The following PEX1 variants were observed in gnomAD, a reference collection of about 807,000 sequenced individuals.
The protein encoded by PEX1 is peroxisomal ATPase PEX1.
A neutral mutation model predicts 152.5 loss-of-function variants in PEX1; 97 were observed. That is an observed-to-expected ratio of 0.64 (90% CI 0.54 to 0.75). PEX1 has a LOEUF of 0.75. Ranked by LOEUF, PEX1 falls within the 30% of genes least tolerant of loss-of-function variation. The pLI is 0.00. For synonymous variants in PEX1, 485 were observed against 531.6 expected (o/e 0.91, Z 1.21); for missense variants, 1,357 against 1,516.3 (o/e 0.89, Z 1.74).
intron 5 of PEX1, among the ~76,000 whole-genome samples, chr7:92,516,290 G>A (rs1029247833): frequency 3.3e-5 from 5 of 151,912 alleles, no homozygotes; most frequent in Admixed American, 6.6e-5. Context: ...AGCCAGGCGT[G>A]GTGGTGCATG....
Position 92,517,486 on chromosome 7 carries a change from T to C in PEX1, c.1029A>G (p.Gln343=). 6.2e-7 allele frequency: 1 copy of C among 1,614,056 alleles called. No homozygotes were observed. Among genetic ancestry groups the C allele is most frequent in the South Asian group, 1.1e-5 (1 of 91,080 alleles). ...CATTTTGTTTTGTTTTACTTTGCTG[T>C]TGCTTTGGAGAAAGTAGCTTAACTA... ...GKLVKLLSPK[Q]QQSKTKQNVL... Residue 343 remains glutamine, a synonymous_variant, in exon 5 of 24, where the codon CAA becomes CAG. Transcript: ENST00000248633.
At chr7:92,526,423 A>G (rs2061871113) in intron 1 of PEX1, among the ~76,000 whole-genome samples, 1 of 152,196 alleles carries the variant, frequency 6.6e-6, no homozygotes, top group African/African-American at 2.4e-5. Context: ...GCTTCACCCC[A>G]AATAAAGTAA....
chr7:92,492,903 C>T (rs1562845929), intron 20 of PEX1, 50 bp downstream of exon 20: 1 of 1,396,988 alleles, frequency 7.2e-7, no homozygotes, highest in Non-Finnish European at 1.0e-6. Context: ...TGACATTGTA[C>T]TTCTTTTATC....
chr7:92,498,572 G>A (rs1017954940), intron 16 of PEX1, among the ~76,000 whole-genome samples: 5 of 152,048 alleles, frequency 3.3e-5, no homozygotes, highest in African/African-American at 1.2e-4. Flanking sequence ...AATAATACAC[G>A]ATTCCTTTGT....
At chr7:92,511,376 C>T (rs1240937572) in intron 7 of PEX1, among the ~76,000 whole-genome samples, 1 of 152,106 alleles carries the variant, frequency 6.6e-6, no homozygotes, top group Admixed American at 6.5e-5. Context: ...CCGCCTGCCT[C>T]GGCCTCCCAA....
intron 2 of PEX1, among the ~76,000 whole-genome samples, chr7:92,521,269 C>T (rs1585259751): frequency 6.6e-6 from 1 of 152,008 alleles, no homozygotes; most frequent in Middle Eastern, 3.5e-3. Flanking sequence ...CCCAGCCTCA[C>T]ATTATTCTTA....
At chr7:92,514,218 G>C (rs1022271417) in intron 5 of PEX1, among the ~76,000 whole-genome samples, 3 of 152,062 alleles carry the variant, frequency 2.0e-5, no homozygotes, top group Admixed American at 2.0e-4. Context: ...ATTCATGAAG[G>C]CTTCACCTTC....
chr7:92,517,287 C>T lies in PEX1; in HGVS notation c.1228G>A (p.Gly410Arg), dbSNP rs1585254050. ...AAATTTATACTAACCCAGACTTTCC[C>T]AAGATGGAGAACTTCTACATTTTTG... Reference protein sequence around the residue: ...YTKNVEVLHLGKVWIPDDLRK... With the variant: ...YTKNVEVLHLRKVWIPDDLRK... Residue 410 changes from glycine to arginine, a missense_variant, in exon 5 of 24, where the codon GGG becomes AGG. Transcript: ENST00000248633. 6.2e-7 allele frequency: 1 copy of T among 1,613,466 alleles called. No homozygotes were observed. The highest frequency in any genetic ancestry group is 8.5e-7 in the Non-Finnish European group (1 of 1,179,548).
intron 5 of PEX1, among the ~76,000 whole-genome samples, chr7:92,516,364 T>C (rs936374478): frequency 2.2e-4 from 34 of 151,886 alleles, no homozygotes; most frequent in Admixed American, 2.2e-3. Context: ...GAGGCGGAGG[T>C]TGCAGTGAGC....
At chr7:92,515,136 A>G (rs554854975) in intron 5 of PEX1, among the ~76,000 whole-genome samples, 3 of 145,950 alleles carry the variant, frequency 2.1e-5, no homozygotes, top group South Asian at 2.1e-4. Flanking sequence ...TAATGATGTT[A>G]AAAATTTTTC....
At position 92,502,017 on chromosome 7, in the gene PEX1, C is replaced by G. The variant is rs755784540; in HGVS notation, c.2289G>C (p.Lys763Asn). Residue 763 changes from lysine (K) to asparagine (N), a missense_variant, in exon 14 of 24, where the codon AAG (lysine) becomes AAC (asparagine). By Grantham distance (94) the Lys-to-Asn change is moderately conservative. Transcript: ENST00000248633. ...CATGCTGCAGGTCAAGATCGGTGAA[C>G]TTGTTTATATCACAGTCCAATTTAT... ...IKNKLDCDINKFTDLDLQHVA... is the reference protein window; with the variant it reads ...IKNKLDCDINNFTDLDLQHVA... The G allele has an allele frequency of 6.2e-7, 1 of 1,613,168 alleles. No individual in the cohort carries two copies. The highest frequency in any genetic ancestry group is 8.5e-7 in the Non-Finnish European group (1 of 1,179,146).
At chr7:92,521,442 TA>T (rs1212699074) in intron 2 of PEX1, among the ~76,000 whole-genome samples, 4 of 152,372 alleles carry the variant, frequency 2.6e-5, no homozygotes, top group African/African-American at 9.6e-5. Context: ...TTTTATTTTT[TA>T]TTTTTTTTCA....
intron 2 of PEX1, among the ~76,000 whole-genome samples, chr7:92,521,624 G>T (rs532664898): frequency 2.0e-5 from 3 of 151,796 alleles, no homozygotes; most frequent in Admixed American, 2.0e-4. Flanking sequence ...TAGTAGAGAG[G>T]GGGGGTTTCA....
chr7:92,526,931 C>T (rs1446667619), intron 1 of PEX1, among the ~76,000 whole-genome samples: 3 of 152,056 alleles, frequency 2.0e-5, no homozygotes, highest in African/African-American at 7.2e-5. Context: ...TTCTATAAAA[C>T]ATAAATTCTA....
chr7:92,521,510 C>A (rs1404180731), intron 2 of PEX1, among the ~76,000 whole-genome samples: 5 of 152,092 alleles, frequency 3.3e-5, no homozygotes, highest in Non-Finnish European at 7.4e-5. Context: ...TCTCAGCTCA[C>A]TGCAACCTCC....
chr7:92,515,322 GT>G (rs889817687), intron 5 of PEX1, among the ~76,000 whole-genome samples: 17 of 149,008 alleles, frequency 1.1e-4, no homozygotes, highest in African/African-American at 2.5e-4. Context: ...TTTGTTTGTT[GT>G]TTTTTTTTAA....
chr7:92,502,978 A>C, intron 13 of PEX1, 63 bp downstream of exon 13: 1 of 1,411,788 alleles, frequency 7.1e-7, no homozygotes, highest in Non-Finnish European at 1.0e-6. Flanking sequence ...ATTACTAATA[A>C]AATTGAAAAA....
At chr7:92,500,499 T>C (rs1791875188) in intron 15 of PEX1, among the ~76,000 whole-genome samples, 1 of 152,234 alleles carries the variant, frequency 6.6e-6, no homozygotes, top group Non-Finnish European at 1.5e-5. Context: ...GTACTGCATC[T>C]GGATGTACTG....
At chr7:92,512,794 T>A (rs1001002071) in intron 6 of PEX1, among the ~76,000 whole-genome samples, 1 of 151,498 alleles carries the variant, frequency 6.6e-6, no homozygotes, top group Non-Finnish European at 1.5e-5. Flanking sequence ...CTGGCTTAAT[T>A]TTTTTTTTAA....
Sources: allele counts gnomAD v4.1 joint callset (sites outside exome capture counted in the v4.1 genomes callset), GRCh38; gene constraint gnomAD v4.1.1; transcripts MANE v1.5; gene names NCBI Gene and HGNC (gene_info 2026-07-23, HGNC 2026-07-21).